ERICH6: variants seen among roughly 807,000 people sequenced by gnomAD.
ERICH6 encodes glutamate rich 6.
Under a neutral mutation model 71.0 loss-of-function variants are expected in ERICH6, and 71 were observed. The ratio of observed to expected loss-of-function variants is 1.00; its 90% CI spans 0.83 to 1.22. The LOEUF (loss-of-function observed/expected upper bound fraction) is 1.22. Ranked by LOEUF, ERICH6 falls within the 50% of genes most tolerant of loss-of-function variation. The probability of loss-of-function intolerance (pLI) is 0.00; values close to 1 mark genes in which losing one functional copy is unlikely to be tolerated. For missense variants in ERICH6, 808 were observed against 797.2 expected (o/e 1.01, Z -0.16); for synonymous variants, 262 against 278.4 (o/e 0.94, Z 0.59).
At chr3:150,673,219 G>T (rs550807227) in intron 11 of ERICH6, among the ~76,000 whole-genome samples, 1 of 145,926 alleles carries the variant, frequency 6.9e-6, no homozygotes, top group African/African-American at 2.5e-5. Flanking sequence ...TCTTGGTCTT[G>T]CTCTGTCATT....
chr3:150,674,070 T>C (rs1354725755), intron 10 of ERICH6, 29 bp from the exon 11 acceptor site: 1 of 1,592,052 alleles, frequency 6.3e-7, no homozygotes, highest in Non-Finnish European at 8.6e-7. Flanking sequence ...AAAAGACACT[T>C]AATTGTTTCG....
chr3:150,671,884 C>T lies in ERICH6; in HGVS notation c.1343+2072G>A, dbSNP rs541470338. Among the ~76,000 whole-genome samples, 11 of 152,282 alleles carry T rather than the reference C, an allele frequency of 7.2e-5. No individual in the cohort carries two copies. In the South Asian group the frequency reaches 2.1e-3, roughly 29 times the overall value. On this transcript the variant is annotated intron_variant, in intron 11 of 13. Coordinates refer to ENST00000295910, the MANE Select transcript of ERICH6 (RefSeq NM_152394.5). ...AGCTCATGCGATCTGCCCACTGTGG[C>T]CTCTCAAAGGGCTGGGATTATAGGC...
At chr3:150,680,370 T>C in intron 9 of ERICH6, 98 bp downstream of exon 9, 1 of 1,273,246 alleles carries the variant, frequency 7.9e-7, no homozygotes, top group Non-Finnish European at 1.1e-6. Context: ...ACCTGGCCAA[T>C]ACTATTTTTT....
At chr3:150,682,815 A>T (rs996999367) in intron 6 of ERICH6, among the ~76,000 whole-genome samples, 10 of 152,206 alleles carry the variant, frequency 6.6e-5, no homozygotes, top group African/African-American at 2.2e-4. Context: ...TTCTAAAATA[A>T]ATGAGAATCC....
intron 13 of ERICH6, 42 bp from the exon 14 acceptor site, chr3:150,660,197 AG>A: frequency 1.3e-6 from 2 of 1,595,960 alleles, no homozygotes; most frequent in South Asian, 2.3e-5. Context: ...AGAGTCCAGA[AG>A]TGGAACTGGG....
chr3:150,677,131 T>C lies in ERICH6; in HGVS notation c.1257+1278A>G, dbSNP rs555966431. 7.5e-4 allele frequency among the ~76,000 whole-genome samples: 114 copies of C among 152,224 alleles called. 1 individual carries two copies. The highest frequency in any genetic ancestry group is 2.7e-3 in the African/African-American group (113 of 41,556). ...CCAGCCAAAAACATTTTTTTAGAGA[T>C]GGGATTTTGCTATGTTGCTCAGGCT... On this transcript the variant is annotated intron_variant, in intron 10 of 13. Coordinates refer to ENST00000295910, the MANE Select transcript of ERICH6 (RefSeq NM_152394.5).
chr3:150,678,822 C>T (rs533449154), intron 9 of ERICH6, among the ~76,000 whole-genome samples: 1 of 152,080 alleles, frequency 6.6e-6, no homozygotes, highest in South Asian at 2.1e-4. Flanking sequence ...GGGTGGATTA[C>T]TTGAGGTCAG....
At chr3:150,689,349 A>G (rs1161614340) in intron 3 of ERICH6, among the ~76,000 whole-genome samples, 1 of 152,130 alleles carries the variant, frequency 6.6e-6, no homozygotes, top group African/African-American at 2.4e-5. Flanking sequence ...AAACTGAAAC[A>G]GTGGTTGTTG....
At position 150,692,943 on chromosome 3, in the gene ERICH6, A is replaced by G. The variant is rs542712716; in HGVS notation, c.553+5848T>C. On this transcript the variant is annotated intron_variant, in intron 3 of 13. Coordinates refer to ENST00000295910, the MANE Select transcript of ERICH6 (RefSeq NM_152394.5). ...CTTTCAGGACTCATGGAGAGCTGAA[A>G]TATTCAAGAATATCAAGCAGAACAG... 1.4e-3 allele frequency among the ~76,000 whole-genome samples: 214 copies of G among 152,270 alleles called. 2 individuals are homozygous for G. Among genetic ancestry groups the G allele is most frequent in the African/African-American group, 5.0e-3 (208 of 41,572 alleles).
At chr3:150,699,362 G>C (rs1025187183) in intron 2 of ERICH6, among the ~76,000 whole-genome samples, 3 of 152,048 alleles carry the variant, frequency 2.0e-5, no homozygotes, top group African/African-American at 4.8e-5. Context: ...AAGTGTCCTT[G>C]CCCTAACTCT....
chr3:150,669,222 C>T, intron 12 of ERICH6, 74 bp downstream of exon 12: 1 of 1,441,254 alleles, frequency 6.9e-7, no homozygotes, highest in African/African-American at 1.4e-5. Context: ...CCATTCTTAT[C>T]ATTTAAAAAG....
intron 9 of ERICH6, 102 bp from the exon 10 acceptor site, chr3:150,678,656 C>T: frequency 2.3e-6 from 2 of 876,282 alleles, no homozygotes; most frequent in East Asian, 3.2e-5. Context: ...TGCACTGATT[C>T]ATAAGACATT....
intron 2 of ERICH6, among the ~76,000 whole-genome samples, chr3:150,701,490 C>T (rs938866634): frequency 2.0e-5 from 3 of 152,076 alleles, no homozygotes; most frequent in Non-Finnish European, 4.4e-5. Context: ...TATACATTAT[C>T]TTTATTACAA....
chr3:150,702,656 T>C (rs1215987566), intron 1 of ERICH6, among the ~76,000 whole-genome samples: 1 of 152,052 alleles, frequency 6.6e-6, no homozygotes, highest in African/African-American at 2.4e-5. Context: ...CCAAATATCC[T>C]GTAATTCACA....
chr3:150,680,902 A>G lies in ERICH6; in HGVS notation c.911T>C (p.Leu304Pro). The change falls in exon 8 of 14, where the codon CTG (leucine) becomes CCG (proline). Residue 304 changes from leucine (L) to proline (P), a missense_variant. By Grantham distance (98) the Leu-to-Pro change is moderately conservative. Coordinates refer to ENST00000295910, the MANE Select transcript of ERICH6 (RefSeq NM_152394.5). ...HASCCIAFQN[L>P]IDYIYEEQIK... is the part of the protein sequence containing the mutation. ...TTGCTCCTCATAGATATAGTCAATC[A>G]GATTTTGGAAAGCAATACAACAGGA... 6.2e-7 allele frequency: 1 copy of G among 1,611,836 alleles called. No homozygotes were observed. The highest frequency in any genetic ancestry group is 8.5e-7 in the Non-Finnish European group (1 of 1,179,388).
At chr3:150,672,319 C>CGG (rs1711510499) in intron 11 of ERICH6, among the ~76,000 whole-genome samples, 1 of 126,750 alleles carries the variant, frequency 7.9e-6, no homozygotes, top group East Asian at 2.6e-4. Context: ...CCCCATAGGC[C>CGG]GGGTGTGGTG....
At chr3:150,661,903 C>A (rs1727237188) in intron 13 of ERICH6, among the ~76,000 whole-genome samples, 1 of 151,942 alleles carries the variant, frequency 6.6e-6, no homozygotes, top group Non-Finnish European at 1.5e-5. Context: ...AACAAAAAAA[C>A]CACTGAGTCT....
intron 7 of ERICH6, 23 bp downstream of exon 7, chr3:150,682,195 A>T (rs201064066): frequency 1.9e-6 from 3 of 1,567,686 alleles, no homozygotes; most frequent in East Asian, 2.2e-5. Flanking sequence ...CTATTTCCAC[A>T]GTAAACCTGA....
At chr3:150,669,850 A>G (rs1393260041) in intron 11 of ERICH6, among the ~76,000 whole-genome samples, 2 of 152,184 alleles carry the variant, frequency 1.3e-5, no homozygotes, top group Non-Finnish European at 2.9e-5. Flanking sequence ...AACTCAATGG[A>G]TTTCAAATAG....
Sources: gnomAD v4.1 joint callset for allele counts (sites outside exome capture counted in the v4.1 genomes callset) on GRCh38, gnomAD v4.1.1 for gene constraint, MANE v1.5 for transcripts, NCBI Gene and HGNC (gene_info 2026-07-23, HGNC 2026-07-21) for gene names.